The following SLC5A4 variants were observed in gnomAD, a reference collection of about 807,000 sequenced individuals.
SLC5A4 encodes the protein probable glucose sensor protein SLC5A4.
A neutral mutation model predicts 70.3 loss-of-function variants in SLC5A4; 55 were observed. That is an observed-to-expected ratio of 0.78 (90% confidence interval 0.63 to 0.98). SLC5A4 has a LOEUF of 0.98. Among genes scored for constraint, SLC5A4 ranks in the 50% least tolerant of loss-of-function variants. SLC5A4 has a pLI of 0.00. For missense variants in SLC5A4, 735 were observed against 839.2 expected (o/e 0.88, Z 1.53); for synonymous variants, 268 against 305.7 (o/e 0.88, Z 1.29).
At chr22:32,303,389 C>A in the SLC5A4 span, among the ~76,000 whole-genome samples, 1 of 152,220 alleles carries the variant, frequency 6.6e-6, no homozygotes, top group Admixed American at 6.5e-5. Context: ...TCACCAAAAA[C>A]ACAATCTACA....
chr22:32,235,997 C>T (rs1226554550), intron 7 of SLC5A4, among the ~76,000 whole-genome samples: 1 of 152,148 alleles, frequency 6.6e-6, no homozygotes. Context: ...ATAGGAGACC[C>T]TAAGAGATGA....
chr22:32,271,231 T>C, the SLC5A4 span: 1 of 790,970 alleles, frequency 1.3e-6, no homozygotes, highest in Non-Finnish European at 2.2e-6. Flanking sequence ...GGTGAAGAAC[T>C]TCCCTGTGGG....
At chr22:32,261,208 G>T in the SLC5A4 span, among the ~76,000 whole-genome samples, 1 of 152,334 alleles carries the variant, frequency 6.6e-6, no homozygotes, top group African/African-American at 2.4e-5. Context: ...GGAGGGGTCA[G>T]CTGCAGAGCT....
the SLC5A4 span, among the ~76,000 whole-genome samples, chr22:32,304,746 T>TA: frequency 6.6e-6 from 1 of 152,234 alleles, no homozygotes; most frequent in Non-Finnish European, 1.5e-5. Context: ...AAGTCCAACT[T>TA]ATCAATTCTC....
the SLC5A4 span, among the ~76,000 whole-genome samples, chr22:32,303,437 GT>G: frequency 6.6e-6 from 1 of 152,202 alleles, no homozygotes; most frequent in Non-Finnish European, 1.5e-5. Context: ...TTCTACCTTA[GT>G]TTGGCTTTAG....
chr22:32,220,414 G>C (rs1327175948), intron 14 of SLC5A4, among the ~76,000 whole-genome samples: 1 of 152,192 alleles, frequency 6.6e-6, no homozygotes, highest in Non-Finnish European at 1.5e-5. Flanking sequence ...CCAGGGGGAT[G>C]ACTGATGGAG....
the SLC5A4 span, chr22:32,269,896 G>T: frequency 1.8e-6 from 1 of 562,096 alleles, no homozygotes; most frequent in South Asian, 1.5e-5. The surrounding 1 kb of genome is among the most constrained non-coding windows in gnomAD (Gnocchi z 4.1). Context: ...TTCCACTTTT[G>T]ACAAGGCGGC....
chr22:32,323,564 C>A, the SLC5A4 span, among the ~76,000 whole-genome samples: 2 of 152,298 alleles, frequency 1.3e-5, no homozygotes, highest in African/African-American at 4.8e-5. Context: ...CCTTGGAGAC[C>A]CTGTCTGCAG....
chr22:32,301,953 G>A, the SLC5A4 span, among the ~76,000 whole-genome samples: 1 of 151,620 alleles, frequency 6.6e-6, no homozygotes, highest in Non-Finnish European at 1.5e-5. Flanking sequence ...AATGAAGTTG[G>A]ACCTCTACCT....
At chr22:32,350,306 T>C in the SLC5A4 span, among the ~76,000 whole-genome samples, 16 of 152,240 alleles carry the variant, frequency 1.1e-4, no homozygotes, top group African/African-American at 3.6e-4. Flanking sequence ...TAAAAATTCA[T>C]GTACACATAC....
chr22:32,294,386 G>A, the SLC5A4 span, among the ~76,000 whole-genome samples: 1 of 152,034 alleles, frequency 6.6e-6, no homozygotes, highest in Non-Finnish European at 1.5e-5. Context: ...ATGCAATTGT[G>A]AGAAGTAGTA....
At chr22:32,336,337 C>G in the SLC5A4 span, among the ~76,000 whole-genome samples, 1 of 152,356 alleles carries the variant, frequency 6.6e-6, no homozygotes, top group African/African-American at 2.4e-5. Flanking sequence ...TCACCTGGGC[C>G]TTTGTGGAAG....
At chr22:32,270,850 G>C in the SLC5A4 span, 1 of 554,264 alleles carries the variant, frequency 1.8e-6, no homozygotes. Context: ...ACGACCACCT[G>C]GTGCTGCACA....
intron 10 of SLC5A4, 109 bp from the exon 11 acceptor site, chr22:32,229,453 G>A (rs1925614948): frequency 8.7e-7 from 1 of 1,155,528 alleles, no homozygotes; most frequent in East Asian, 2.5e-5. Context: ...GTTAACTGAT[G>A]TCCTTATCAA....
chr22:32,305,049 T>G, the SLC5A4 span, among the ~76,000 whole-genome samples: 1 of 152,220 alleles, frequency 6.6e-6, no homozygotes, highest in Non-Finnish European at 1.5e-5. Flanking sequence ...TGTAGGTCTA[T>G]TTCTGGGCTA....
At chr22:32,292,627 T>C in the SLC5A4 span, among the ~76,000 whole-genome samples, 7 of 151,976 alleles carry the variant, frequency 4.6e-5, no homozygotes, top group African/African-American at 1.7e-4. Context: ...TTTTATAGAA[T>C]TCTATCTTAA....
intron 13 of SLC5A4, 129 bp downstream of exon 13, chr22:32,224,138 T>C (rs540763498): frequency 1.0e-4 from 69 of 673,080 alleles, no homozygotes; most frequent in Non-Finnish European, 1.6e-4. Flanking sequence ...ACCAGGATGG[T>C]CTCCATCTCC....
chr22:32,326,827 TCA>T, the SLC5A4 span, among the ~76,000 whole-genome samples: 1 of 152,108 alleles, frequency 6.6e-6, no homozygotes, highest in African/African-American at 2.4e-5. Context: ...GGCAGGAGGC[TCA>T]GAGTCAGCGG....
At chr22:32,255,503 A>C (rs532589154), upstream of SLC5A4, among the ~76,000 whole-genome samples, 141 of 152,238 alleles carry the variant, frequency 9.3e-4, no homozygotes, top group African/African-American at 3.3e-3. Flanking sequence ...AGTGAGTGCT[A>C]GCCTAGGTAG....
Sources: gnomAD v4.1 joint callset for allele counts (sites outside exome capture counted in the v4.1 genomes callset) on GRCh38, gnomAD v4.1.1 for gene constraint, Gnocchi (gnomAD v3.1) non-coding constraint, MANE v1.5 for transcripts, NCBI Gene and HGNC (gene_info 2026-07-23, HGNC 2026-07-21) for gene names.